The following SLC4A8 variants were observed in gnomAD, a reference collection of about 807,000 sequenced individuals.
SLC4A8 encodes electroneutral sodium bicarbonate exchanger 1.
A neutral mutation model predicts 125.0 loss-of-function variants in SLC4A8; 40 were observed. The observed-to-expected ratio is 0.32, with a 90% CI of 0.25 to 0.42. The LOEUF (loss-of-function observed/expected upper bound fraction) is 0.42, where lower values mean the gene tolerates loss of function less well. SLC4A8 is among the 10% of genes least tolerant of loss of function. The pLI is 1.00. For synonymous variants in SLC4A8, 456 were observed against 476.0 expected (o/e 0.96, Z 0.55); for missense variants, 863 against 1,355.1 (o/e 0.64, Z 5.70).
chr12:51,421,729 C>T (rs1948793330), upstream of SLC4A8, among the ~76,000 whole-genome samples: 1 of 152,190 alleles, frequency 6.6e-6, no homozygotes, highest in African/African-American at 2.4e-5. Context: ...TCAGGTTTCC[C>T]CCTCTAATCC....
intron 9 of SLC4A8, 193 bp from the exon 10 acceptor site, chr12:51,462,117 C>T (rs1287881995): frequency 1.2e-5 from 7 of 578,212 alleles, no homozygotes; most frequent in African/African-American, 3.8e-5. Context: ...TCTTTTAATG[C>T]ATCTCATTTC....
At chr12:51,495,230 TA>T (rs1219815638) in intron 21 of SLC4A8, 112 bp downstream of exon 21, 1 of 856,332 alleles carries the variant, frequency 1.2e-6, no homozygotes, top group African/African-American at 1.7e-5. Context: ...TGGCATTAAG[TA>T]CATTCACATT....
At chr12:51,477,278 T>C (rs1459497552) in intron 16 of SLC4A8, among the ~76,000 whole-genome samples, 1 of 152,262 alleles carries the variant, frequency 6.6e-6, no homozygotes, top group Non-Finnish European at 1.5e-5. Flanking sequence ...TGTGAATGTG[T>C]GTGAAAGTGT....
intron 24 of SLC4A8, 126 bp downstream of exon 24, chr12:51,506,056 C>G: frequency 1.7e-6 from 1 of 597,584 alleles, no homozygotes; most frequent in African/African-American, 1.9e-5. Flanking sequence ...CAGGAACTGC[C>G]GCTAACCACA....
At chr12:51,424,054 C>CAAA (rs1334821004), upstream of SLC4A8, among the ~76,000 whole-genome samples, 1,562 of 77,362 alleles carry the variant, frequency 0.02, 71 homozygotes, top group African/African-American at 0.029. Flanking sequence ...AAAAAAAAAA[C>CAAA]AAAAAAAACA....
rs1950632712 is a variant in SLC4A8, at chr12:51,469,638, C to T, written c.1374C>T (p.Asp458=). The T allele has an allele frequency of 1.9e-6, 3 of 1,613,708 alleles. No individual in the cohort carries two copies. Among genetic ancestry groups the T allele is most frequent in the African/African-American group, 2.7e-5 (2 of 74,976 alleles). ...TGRLFGGLVL[D]IKRKAPWYWS... ...GGCTATTTGGGGGCTTGGTGCTGGA[C>T]ATCAAGCGGAAGGCCCCCTGGTACT... The change falls in exon 12 of 25, where the codon GAC becomes GAT. Residue 458 remains aspartate (D), a synonymous_variant. Coordinates refer to ENST00000453097, the MANE Select transcript of SLC4A8 (RefSeq NM_001039960.3).
intron 22 of SLC4A8, among the ~76,000 whole-genome samples, chr12:51,503,002 C>G (rs1015106593): frequency 6.6e-6 from 1 of 150,662 alleles, no homozygotes; most frequent in East Asian, 2.0e-4. Context: ...CCACCTCGCC[C>G]GGCTAATTTT....
upstream of SLC4A8, among the ~76,000 whole-genome samples, chr12:51,423,335 T>C (rs138010260): frequency 3.2e-3 from 489 of 152,240 alleles, 3 homozygotes; most frequent in African/African-American, 0.011. Context: ...AAGAAAGGCT[T>C]CTTGGAAGAG....
upstream of SLC4A8, chr12:51,420,206 T>A (rs957735136): frequency 6.6e-6 from 1 of 152,104 alleles, no homozygotes; most frequent in Admixed American, 6.6e-5. Context: ...TGGGTTTAGA[T>A]GTGTAAGTAA....
In SLC4A8 at chr12:51,440,752, A is replaced by G; in HGVS notation, c.93A>G (p.Thr31=). Residue 31 remains threonine (T), a synonymous_variant, in exon 2 of 25, where the codon ACA becomes ACG. Transcript: ENST00000453097. ...EAVVDQGGTS[T]ILNIHYEKEE... ...TGGTGGATCAGGGTGGGACCAGTAC[A>G]ATTCTCAACATTCACTATGAAAAAG... The G allele has an allele frequency of 6.2e-7, 1 of 1,609,168 alleles. No individual in the cohort carries two copies. The highest frequency in any genetic ancestry group is 8.5e-7 in the Non-Finnish European group (1 of 1,178,664).
At chr12:51,505,995 G>C (rs1400481589) in intron 24 of SLC4A8, 65 bp downstream of exon 24, 28 of 751,968 alleles carry the variant, frequency 3.7e-5, no homozygotes, top group Admixed American at 2.9e-4. Context: ...GATATTGAAG[G>C]TAAAATGTGT....
chr12:51,432,771 G>A (rs1949239408), intron 1 of SLC4A8, among the ~76,000 whole-genome samples: 1 of 152,102 alleles, frequency 6.6e-6, no homozygotes, highest in Non-Finnish European at 1.5e-5. Flanking sequence ...TATATTTATT[G>A]ATTTTGAAAT....
rs1441427468 is a variant in SLC4A8 at position 51,470,446 on chromosome 12, T to C, written c.1579T>C (p.Phe527Leu). The C allele has an allele frequency of 6.2e-7, 1 of 1,613,866 alleles. No individual in the cohort carries two copies. The highest frequency in any genetic ancestry group is 8.5e-7 in the Non-Finnish European group (1 of 1,179,738). Reference sequence around the variant, plus strand: ...CATGACTGGGATTGCTTATTCCTTGTTTGCGGGACAGGCTCTCACCATCCT... The same window carrying C: ...CATGACTGGGATTGCTTATTCCTTGCTTGCGGGACAGGCTCTCACCATCCT... The part of the protein sequence containing the change: ...ASMTGIAYSL[F>L]AGQALTILGS... The change falls in exon 13 of 25, where the codon TTT (phenylalanine) becomes CTT (leucine). Residue 527 changes from phenylalanine to leucine, a missense_variant. Physicochemically the swap from Phe to Leu is conservative, Grantham distance 22 (BLOSUM62 0). Coordinates refer to ENST00000453097, the MANE Select transcript of SLC4A8 (RefSeq NM_001039960.3).
intron 23 of SLC4A8, among the ~76,000 whole-genome samples, chr12:51,504,903 C>A (rs947239640): frequency 2.0e-5 from 3 of 152,216 alleles, no homozygotes; most frequent in Non-Finnish European, 4.4e-5. Context: ...ATACACATAG[C>A]ACTTGTGTAC....
upstream of SLC4A8, among the ~76,000 whole-genome samples, chr12:51,423,960 G>T (rs1035888721): frequency 1.4e-5 from 2 of 147,718 alleles, no homozygotes; most frequent in Non-Finnish European, 3.0e-5. Context: ...CGCTTGAACT[G>T]GATAGGCGGA....
At chr12:51,468,136 A>G (rs796731837) in intron 11 of SLC4A8, among the ~76,000 whole-genome samples, 2 of 152,048 alleles carry the variant, frequency 1.3e-5, no homozygotes, top group Non-Finnish European at 2.9e-5. Flanking sequence ...TCTTTTTGTT[A>G]TTCACCTGAC....
At chr12:51,444,779 G>A (rs1167063338) in intron 2 of SLC4A8, among the ~76,000 whole-genome samples, 1 of 152,168 alleles carries the variant, frequency 6.6e-6, no homozygotes, top group Non-Finnish European at 1.5e-5. Context: ...AAGTCATTTG[G>A]TCTGGCCTCC....
intron 1 of SLC4A8, among the ~76,000 whole-genome samples, chr12:51,416,503 T>G (rs1948690418): frequency 6.6e-6 from 1 of 151,796 alleles, no homozygotes; most frequent in African/African-American, 2.4e-5. Flanking sequence ...ATTATCTGGG[T>G]GTGGTGGCGT....
chr12:51,502,837 ATT>A (rs557351749), intron 22 of SLC4A8, among the ~76,000 whole-genome samples: 26 of 118,326 alleles, frequency 2.2e-4, no homozygotes, highest in Admixed American at 2.8e-4. Flanking sequence ...CGCCCGACTA[ATT>A]TTTTTTTTTT....
Sources: gnomAD v4.1 joint callset for allele counts (sites outside exome capture counted in the v4.1 genomes callset) on GRCh38, gnomAD v4.1.1 for gene constraint, MANE v1.5 for transcripts, NCBI Gene and HGNC (gene_info 2026-07-23, HGNC 2026-07-21) for gene names.